The following MSH4 variants were observed in gnomAD, a reference collection of about 807,000 sequenced individuals.
MSH4 encodes mutS homolog 4, also known as mutS protein homolog 4.
MSH4 carries 106 observed loss-of-function variants against 113.7 expected under a neutral mutation model. That is an observed-to-expected ratio of 0.93 (90% CI 0.80 to 1.10). The LOEUF is 1.10. Ranked by LOEUF, MSH4 falls within the 50% of genes least tolerant of loss-of-function variation. MSH4 has a pLI of 0.00. For missense variants in MSH4, 1,061 were observed against 1,093.7 expected, an observed-to-expected ratio of 0.97 and a Z score of 0.42; for synonymous variants, 368 against 380.2, an observed-to-expected ratio of 0.97 and a Z score of 0.37.
rs373968431 is a variant in MSH4 at position 75,888,208 on chromosome 1, A to C, written c.2108-1043A>C. 1.1e-3 allele frequency among the ~76,000 whole-genome samples: 168 copies of C among 150,854 alleles called. 2 individuals carry two copies. The highest frequency in any genetic ancestry group is 7.5e-3 in the South Asian group (36 of 4,770). The stretch of plus-strand genomic sequence containing the variant: ...ACCCTTTTTTTGTTTTTAATCTTGG[A>C]GTAATCTGGCTTTGGTTTTTTTGCT... On this transcript the variant is annotated intron_variant, in intron 15 of 19. Transcript: ENST00000263187.
At chr1:75,828,085 T>C (rs1282324157) in intron 7 of MSH4, among the ~76,000 whole-genome samples, 1 of 152,124 alleles carries the variant, frequency 6.6e-6, no homozygotes, top group Non-Finnish European at 1.5e-5. Flanking sequence ...CTCAGAAAAG[T>C]ACAAATCAAA....
At chr1:75,852,610 T>C (rs769899741) in intron 8 of MSH4, among the ~76,000 whole-genome samples, 54 of 152,226 alleles carry the variant, frequency 3.5e-4, no homozygotes, top group Non-Finnish European at 6.6e-4. Flanking sequence ...TACATTTCCA[T>C]GATGACTGAC....
intron 15 of MSH4, among the ~76,000 whole-genome samples, chr1:75,884,885 A>G (rs932023511): frequency 6.6e-6 from 1 of 151,662 alleles, no homozygotes; most frequent in African/African-American, 2.4e-5. Context: ...CCTTCGCCTT[A>G]TAAGAATACT....
At chr1:75,799,910 T>C (rs1480118121) in intron 1 of MSH4, among the ~76,000 whole-genome samples, 1 of 152,150 alleles carries the variant, frequency 6.6e-6, no homozygotes, top group African/African-American at 2.4e-5. Flanking sequence ...GGGATATCCA[T>C]ATATTTATAT....
intron 8 of MSH4, among the ~76,000 whole-genome samples, chr1:75,849,895 C>T (rs1299830472): frequency 1.3e-5 from 2 of 152,130 alleles, no homozygotes; most frequent in Non-Finnish European, 2.9e-5. Context: ...TTATCTGTTT[C>T]TTCTTGAACA....
At chr1:75,848,312 T>C (rs1436391643) in intron 8 of MSH4, 36 bp downstream of exon 8, 1 of 1,353,096 alleles carries the variant, frequency 7.4e-7, no homozygotes, top group African/African-American at 1.5e-5. Context: ...TATATTATTA[T>C]ACATTATTTG....
At chr1:75,828,099 A>G (rs761702104) in intron 7 of MSH4, among the ~76,000 whole-genome samples, 30 of 152,210 alleles carry the variant, frequency 2.0e-4, no homozygotes, top group Non-Finnish European at 4.0e-4. Flanking sequence ...AATCAAAACC[A>G]CAATGAGATG....
chr1:75,801,246 A>C (rs186954985), intron 1 of MSH4, among the ~76,000 whole-genome samples: 45 of 152,284 alleles, frequency 3.0e-4, no homozygotes, highest in African/African-American at 1.1e-3. Flanking sequence ...AAAAGCCTAA[A>C]ATATTTGCCA....
At chr1:75,859,337 C>T (rs1216997785) in intron 8 of MSH4, among the ~76,000 whole-genome samples, 1 of 152,086 alleles carries the variant, frequency 6.6e-6, no homozygotes, top group Non-Finnish European at 1.5e-5. Flanking sequence ...CTGTCTAGTT[C>T]TTTTAATTGT....
At chr1:75,857,574 G>A (rs1651348227) in intron 8 of MSH4, among the ~76,000 whole-genome samples, 1 of 152,098 alleles carries the variant, frequency 6.6e-6, no homozygotes, top group Admixed American at 6.6e-5. Context: ...TATGTCTCAG[G>A]TTTGTCAAAG....
intron 1 of MSH4, among the ~76,000 whole-genome samples, chr1:75,799,724 G>C (rs962010176): frequency 6.6e-6 from 1 of 152,190 alleles, no homozygotes; most frequent in Non-Finnish European, 1.5e-5. Context: ...GTGAGAATTA[G>C]ATCTGGGAGA....
intron 8 of MSH4, among the ~76,000 whole-genome samples, chr1:75,861,379 G>T (rs1232857408): frequency 6.6e-6 from 1 of 152,168 alleles, no homozygotes; most frequent in African/African-American, 2.4e-5. Context: ...TTCTGCTCTG[G>T]CTTCTCCCCA....
chr1:75,886,727 T>G (rs906250092), intron 15 of MSH4, among the ~76,000 whole-genome samples: 13 of 138,004 alleles, frequency 9.4e-5, no homozygotes, highest in Admixed American at 9.4e-4. Flanking sequence ...AATGTATACA[T>G]TATATATAAA....
chr1:75,885,553 T>C (rs1267221663), intron 15 of MSH4, among the ~76,000 whole-genome samples: 2 of 114,348 alleles, frequency 1.7e-5, no homozygotes, highest in East Asian at 4.6e-4. Context: ...GAAGGTAATA[T>C]ATATGTATAT....
At chr1:75,845,042 C>T (rs1417945640) in intron 7 of MSH4, among the ~76,000 whole-genome samples, 1 of 152,240 alleles carries the variant, frequency 6.6e-6, no homozygotes, top group African/African-American at 2.4e-5. Context: ...AAGTAACCCA[C>T]TTCTGTGATA....
intron 19 of MSH4, among the ~76,000 whole-genome samples, chr1:75,910,444 CT>C (rs1275438855): frequency 6.8e-6 from 1 of 147,688 alleles, no homozygotes. Flanking sequence ...CTTTTTTTTT[CT>C]TTTTTTTGAA....
intron 7 of MSH4, among the ~76,000 whole-genome samples, chr1:75,845,893 T>G (rs1362425685): frequency 6.6e-6 from 1 of 152,170 alleles, no homozygotes; most frequent in African/African-American, 2.4e-5. Flanking sequence ...CCCCAGGCTG[T>G]CCTCAACATC....
intron 7 of MSH4, among the ~76,000 whole-genome samples, chr1:75,846,768 A>G (rs1214358229): frequency 1.3e-5 from 2 of 152,054 alleles, no homozygotes; most frequent in Admixed American, 6.6e-5. Context: ...GTTCATGGCA[A>G]TCTGGGCTTT....
chr1:75,885,762 A>G (rs1400441481), intron 15 of MSH4, among the ~76,000 whole-genome samples: 1 of 105,394 alleles, frequency 9.5e-6, no homozygotes, highest in Non-Finnish European at 1.7e-5. Flanking sequence ...TATTATATAT[A>G]GTATATATAA....
Sources: allele counts gnomAD v4.1 joint callset (sites outside exome capture counted in the v4.1 genomes callset), GRCh38; gene constraint gnomAD v4.1.1; transcripts MANE v1.5; gene names NCBI Gene and HGNC (gene_info 2026-07-23, HGNC 2026-07-21).